The following STIM1 variants were observed in gnomAD, a reference collection of about 807,000 sequenced individuals.
STIM1 encodes the protein stromal interaction molecule 1.
Under a neutral mutation model 74.7 loss-of-function variants are expected in STIM1, and 25 were observed. The observed-to-expected ratio is 0.33, with a 90% confidence interval of 0.24 to 0.47. STIM1 has a LOEUF of 0.47. Ranked by LOEUF, STIM1 falls within the 20% of genes least tolerant of loss-of-function variation. The pLI is 1.00. For synonymous variants in STIM1, 328 were observed against 348.8 expected (o/e 0.94, Z 0.66); for missense variants, 728 against 920.8 (o/e 0.79, Z 2.71).
chr11:3,981,020 C>T (rs186247387), intron 2 of STIM1, among the ~76,000 whole-genome samples: 54 of 152,228 alleles, frequency 3.5e-4, no homozygotes, highest in Non-Finnish European at 5.9e-4. Context: ...TTTTTGGAGA[C>T]GGAGTCTTGT....
rs2094525410 is a variant in STIM1, at chr11:4,091,560, G to C, written c.1913G>C (p.Gly638Ala). 2.5e-6 allele frequency: 4 copies of C among 1,614,186 alleles called. No homozygotes were observed. The East Asian group carries it at 8.9e-5, about 36-fold the overall frequency. ...MELSPSAPPG[G>A]SPHLDSSRSH... Reference sequence around the variant, plus strand: ...CTGAGCCCCTCAGCCCCACCTGGTGGCTCTCCACATTTGGATTCTTCCCGT... The same window carrying C: ...CTGAGCCCCTCAGCCCCACCTGGTGCCTCTCCACATTTGGATTCTTCCCGT... Residue 638 changes from glycine (G) to alanine (A), a missense_variant, in exon 13 of 13, where the codon GGC becomes GCC. This residue lies in a region of STIM1 where 352 missense variants were observed against 370.1 expected (regional missense o/e 0.95). Transcript: ENST00000526596.
intron 1 of STIM1, among the ~76,000 whole-genome samples, chr11:3,955,625 G>C (rs1416059763): frequency 2.0e-5 from 3 of 151,924 alleles, no homozygotes; most frequent in African/African-American, 7.2e-5. Flanking sequence ...ATTTTAAATT[G>C]TCTATATATT....
intron 12 of STIM1, chr11:4,088,811 T>G: frequency 6.8e-7 from 1 of 1,459,982 alleles, no homozygotes; most frequent in South Asian, 1.2e-5. Context: ...TTGTTCTCAG[T>G]GATTCAGGGA....
chr11:3,951,931 C>T (rs1414831773), intron 1 of STIM1, among the ~76,000 whole-genome samples: 1 of 152,080 alleles, frequency 6.6e-6, no homozygotes, highest in East Asian at 1.9e-4. Flanking sequence ...CTGGGGCCGT[C>T]TTTCTTCTTG....
chr11:4,044,352 C>T (rs1425520467), intron 3 of STIM1, among the ~76,000 whole-genome samples: 1 of 152,128 alleles, frequency 6.6e-6, no homozygotes, highest in Non-Finnish European at 1.5e-5. Context: ...CTGTTGCCTT[C>T]TTCCTCACTC....
chr11:3,862,062 A>G (rs1011633311), intron 1 of STIM1, among the ~76,000 whole-genome samples: 1 of 152,126 alleles, frequency 6.6e-6, no homozygotes, highest in Non-Finnish European at 1.5e-5. Flanking sequence ...AAAGAGACCA[A>G]ACTGGGCCTC....
intron 2 of STIM1, among the ~76,000 whole-genome samples, chr11:3,995,476 C>T (rs1024484337): frequency 6.6e-6 from 1 of 152,170 alleles, no homozygotes; most frequent in African/African-American, 2.4e-5. Flanking sequence ...AGAACTTTGA[C>T]TGTCTCTTTC....
intron 3 of STIM1, among the ~76,000 whole-genome samples, chr11:4,048,936 G>A (rs554636261): frequency 8.5e-5 from 13 of 152,252 alleles, no homozygotes; most frequent in Admixed American, 5.9e-4. Flanking sequence ...GTTTCACCAT[G>A]TTGGCCAGGC....
At chr11:3,875,108 G>A (rs1590515260) in intron 1 of STIM1, among the ~76,000 whole-genome samples, 1 of 152,044 alleles carries the variant, frequency 6.6e-6, no homozygotes, top group South Asian at 2.1e-4. Flanking sequence ...CCTCAGCTTC[G>A]TCTTGGTTGC....
chr11:4,088,873 C>T, intron 12 of STIM1: 1 of 875,986 alleles, frequency 1.1e-6, no homozygotes, highest in Non-Finnish European at 1.8e-6. Context: ...TCTCCCTAGG[C>T]TTCCTCCCAG....
At chr11:3,924,552 G>C (rs903276122) in intron 1 of STIM1, among the ~76,000 whole-genome samples, 1 of 151,898 alleles carries the variant, frequency 6.6e-6, no homozygotes, top group African/African-American at 2.4e-5. Context: ...TATTTTTGAT[G>C]CAATAGTCAA....
chr11:4,079,180 A>G (rs901793330), intron 7 of STIM1, among the ~76,000 whole-genome samples: 1 of 152,028 alleles, frequency 6.6e-6, no homozygotes, highest in Non-Finnish European at 1.5e-5. Flanking sequence ...AATCCCAGCT[A>G]CTTGGGAGGC....
At chr11:4,014,646 G>A (rs1299277560) in intron 2 of STIM1, among the ~76,000 whole-genome samples, 1 of 152,154 alleles carries the variant, frequency 6.6e-6, no homozygotes, top group Admixed American at 6.6e-5. Flanking sequence ...TATTGACAGT[G>A]GGGTGTTAAA....
chr11:3,871,705 C>T (rs1401481914), intron 1 of STIM1, among the ~76,000 whole-genome samples: 1 of 152,136 alleles, frequency 6.6e-6, no homozygotes, highest in Admixed American at 6.5e-5. Context: ...GTGTTCACAG[C>T]TTTCTTTAGG....
chr11:3,883,397 C>T (rs953620900), intron 1 of STIM1, among the ~76,000 whole-genome samples: 2 of 152,108 alleles, frequency 1.3e-5, no homozygotes, highest in African/African-American at 4.8e-5. Context: ...CTCTTGTTGC[C>T]CAGGCTGGAG....
chr11:3,905,860 G>T (rs901004516), intron 1 of STIM1, among the ~76,000 whole-genome samples: 4 of 152,204 alleles, frequency 2.6e-5, no homozygotes, highest in African/African-American at 9.6e-5. Flanking sequence ...CCCTTGCAGG[G>T]GGCAGGGTGG....
In STIM1 at chr11:3,969,746, A is replaced by C. The variant is rs114899378; in HGVS notation, c.270+2064A>C. 4.8e-3 allele frequency among the ~76,000 whole-genome samples: 728 copies of C among 152,362 alleles called. 4 individuals carry two copies. Among genetic ancestry groups the C allele is most frequent in the African/African-American group, 0.016 (677 of 41,586 alleles). On this transcript the variant is annotated intron_variant, in intron 2 of 12. Transcript: ENST00000526596. ...GACAGGGACTGTGGTAGAAAACCAC[A>C]GAACAAAAAGTTGGAAAGGAAAGTG...
rs544946710 is a variant in STIM1, at chr11:3,992,020, ATTTG to A, written c.270+24339_270+24342del. Among the ~76,000 whole-genome samples the A allele has an allele frequency of 3.5e-3, 503 of 142,604 alleles. 2 individuals are homozygous for A. The highest frequency in any genetic ancestry group is 0.012 in the African/African-American group (482 of 39,202). 93.6% of individuals were successfully genotyped at this position (142,604 alleles called of 152,430 possible). On this transcript the variant is annotated intron_variant, in intron 2 of 12. Coordinates refer to ENST00000526596, the MANE Select transcript of STIM1 (RefSeq NM_001382567.1). ...ACTGCTTTCCACAGTGGCTGGACTAATTTGCATTCCCATCAACTGTGTATAAGTG... is the reference window on the plus strand; with the variant it reads ...ACTGCTTTCCACAGTGGCTGGACTAACATTCCCATCAACTGTGTATAAGTG...
rs530442847 is a variant in STIM1 at position 4,003,837 on chromosome 11, C to A, written c.271-20036C>A. Among the ~76,000 whole-genome samples, 381 of 152,246 alleles carry A rather than the reference C, an allele frequency of 2.5e-3. 1 individual carries two copies. The highest frequency in any genetic ancestry group is 8.5e-3 in the African/African-American group (354 of 41,530). Reference sequence around the variant, plus strand: ...ATGACATGATTGTATATCTAGAAAACCCCATTGTCTCAGCCCAAAATCTCC... The same window carrying A: ...ATGACATGATTGTATATCTAGAAAAACCCATTGTCTCAGCCCAAAATCTCC... On this transcript the variant is annotated intron_variant, in intron 2 of 12. Transcript: ENST00000526596.
Sources: gnomAD v4.1 joint callset for allele counts (sites outside exome capture counted in the v4.1 genomes callset) on GRCh38, gnomAD v4.1.1 for gene constraint, gnomAD v4.1.1 regional missense constraint, MANE v1.5 for transcripts, NCBI Gene and HGNC (gene_info 2026-07-23, HGNC 2026-07-21) for gene names.